NFASC: variants seen among roughly 807,000 people sequenced by gnomAD.
NFASC encodes the protein neurofascin homolog.
Under a neutral mutation model 147.5 loss-of-function variants are expected in NFASC, and 43 were observed. The ratio of observed to expected loss-of-function variants is 0.29; its 90% CI spans 0.23 to 0.38. The LOEUF (loss-of-function observed/expected upper bound fraction) is 0.38. Ranked by LOEUF, NFASC falls within the 10% of genes least tolerant of loss-of-function variation. The probability of loss-of-function intolerance (pLI) is 1.00; values close to 1 mark genes in which losing one functional copy is unlikely to be tolerated. For missense variants in NFASC, 1,320 were observed against 1,689.0 expected (o/e 0.78, Z 3.83); for synonymous variants, 622 against 665.5 (o/e 0.93, Z 1.01).
At chr1:204,955,539 T>C (rs2094387182) in intron 7 of NFASC, among the ~76,000 whole-genome samples, 1 of 152,210 alleles carries the variant, frequency 6.6e-6, no homozygotes, top group Admixed American at 6.5e-5. Context: ...ATAGGGTATC[T>C]GCAGCAGGGA....
chr1:204,939,054 G>A lies in NFASC; in HGVS notation c.-90-5172G>A, dbSNP rs563336577. Among the ~76,000 whole-genome samples, 47 of 151,022 alleles carry A rather than the reference G, an allele frequency of 3.1e-4. No homozygotes were observed. The South Asian group carries it at 7.3e-3, about 24-fold the overall frequency. On this transcript the variant is annotated intron_variant, in intron 2 of 29. Coordinates refer to ENST00000339876, the MANE Select transcript of NFASC (RefSeq NM_001005388.3). ...TATGGATGGATGTGTGTGTGTGTGT[G>A]TGTGTGTGTGTGTGTGTGTGTGTGT...
At chr1:204,843,551 G>GTC (rs1480833485) in intron 1 of NFASC, among the ~76,000 whole-genome samples, 4 of 150,946 alleles carry the variant, frequency 2.6e-5, no homozygotes, top group Non-Finnish European at 4.4e-5. Context: ...CTCCAGGTCT[G>GTC]TCTCTCTCTC....
chr1:204,989,017 C>A, intron 23 of NFASC: 1 of 593,390 alleles, frequency 1.7e-6, no homozygotes, highest in Non-Finnish European at 3.0e-6. Context: ...CCACTGTGGT[C>A]ACACCTGGGT....
chr1:204,954,879 G>T lies in NFASC; in HGVS notation c.463G>T (p.Gly155Cys). Residue 155 changes from glycine (G) to cysteine (C), a missense_variant, in exon 7 of 30, where the codon GGC (glycine) becomes TGC (cysteine). Coordinates refer to ENST00000339876, the MANE Select transcript of NFASC (RefSeq NM_001005388.3). The surrounding 1 kb of genome is among the most constrained non-coding windows in gnomAD (Gnocchi z 5.7). ...ENLDPVVVQE[G>C]APLTLQCNPP... ...CCTAGACCCTGTCGTGGTCCAAGAG[G>T]GCGCTCCTTTGACGCTCCAGTGCAA... 6.2e-7 allele frequency: 1 copy of T among 1,614,132 alleles called. No individual in the cohort carries two copies. Among genetic ancestry groups the T allele is most frequent in the Non-Finnish European group, 8.5e-7 (1 of 1,180,014 alleles).
At position 204,997,210 on chromosome 1, in the gene NFASC, C is replaced by T. The variant is rs531123483; in HGVS notation, c.2823C>T (p.Gly941=). 1.7e-4 allele frequency: 282 copies of T among 1,613,794 alleles called. 3 individuals carry two copies. The South Asian group carries it at 2.5e-3, about 14-fold the overall frequency. ...TLPPTTVGAT[G]AVSSTDATAI... is the part of the protein sequence containing the mutation. Reference sequence around the variant, plus strand: ...CCCCGACTACCGTGGGTGCGACGGGCGCTGTGAGCAGTACCGATGCTACTG... The same window carrying T: ...CCCCGACTACCGTGGGTGCGACGGGTGCTGTGAGCAGTACCGATGCTACTG... Residue 941 remains glycine, a synonymous_variant, in exon 25 of 30, where the codon GGC becomes GGT. Coordinates refer to ENST00000339876, the MANE Select transcript of NFASC (RefSeq NM_001005388.3).
intron 1 of NFASC, among the ~76,000 whole-genome samples, chr1:204,883,749 G>A (rs1308136264): frequency 6.6e-6 from 1 of 152,224 alleles, no homozygotes; most frequent in Non-Finnish European, 1.5e-5. Flanking sequence ...GGTGCCAGCA[G>A]CATGGGATTG....
At chr1:204,897,499 C>T (rs1424497230) in intron 1 of NFASC, among the ~76,000 whole-genome samples, 1 of 152,036 alleles carries the variant, frequency 6.6e-6, no homozygotes, top group East Asian at 1.9e-4. Context: ...CAAGGTCACA[C>T]AGCTAATACT....
chr1:204,907,435 A>T (rs745714438), intron 1 of NFASC, among the ~76,000 whole-genome samples: 9 of 152,220 alleles, frequency 5.9e-5, no homozygotes, highest in Non-Finnish European at 1.3e-4. Flanking sequence ...TCTCTCAAAC[A>T]GCTGTCTTAG....
At chr1:205,009,960 C>T in intron 28 of NFASC, 1 of 469,572 alleles carries the variant, frequency 2.1e-6, no homozygotes, top group Non-Finnish European at 3.9e-6. Context: ...ATGACCTTTC[C>T]TCCCCTTGAC....
intron 1 of NFASC, among the ~76,000 whole-genome samples, chr1:204,886,071 T>G (rs764291426): frequency 2.6e-5 from 4 of 152,246 alleles, no homozygotes; most frequent in Admixed American, 6.5e-5. Flanking sequence ...TAGAGGGAAT[T>G]TGATTTCTGC....
chr1:204,890,927 C>T (rs915572064), intron 1 of NFASC, among the ~76,000 whole-genome samples: 1 of 152,188 alleles, frequency 6.6e-6, no homozygotes, highest in African/African-American at 2.4e-5. Flanking sequence ...CATGCATCCC[C>T]TGATGCTCAC....
chr1:204,951,838 A>G (rs1235616843), intron 4 of NFASC, among the ~76,000 whole-genome samples, 173 bp from the exon 5 acceptor site: 1 of 152,036 alleles, frequency 6.6e-6, no homozygotes, highest in Non-Finnish European at 1.5e-5. Flanking sequence ...TTCCTGCGGC[A>G]CCATTTAAGG....
rs764109929 is a variant in NFASC, at chr1:204,974,839, C to T, written c.1558+16C>T. 88 of 1,612,966 alleles carry T rather than the reference C, an allele frequency of 5.5e-5. No individual in the cohort carries two copies. Among genetic ancestry groups the T allele is most frequent in the Non-Finnish European group, 6.2e-5 (73 of 1,179,094 alleles). On this transcript the variant is annotated intron_variant, in intron 14 of 29. Coordinates refer to ENST00000339876, the MANE Select transcript of NFASC (RefSeq NM_001005388.3). ...GAGGTCAAAGGTAAAGGAGAGGGTT[C>T]GCCAGTGGGAGTTTGGAGAGGGACA... is the stretch of plus-strand genomic sequence containing the variant.
chr1:204,994,828 G>A (rs1161149693), intron 24 of NFASC, among the ~76,000 whole-genome samples: 2 of 152,146 alleles, frequency 1.3e-5, no homozygotes, highest in Non-Finnish European at 2.9e-5. Context: ...GAAATTATTA[G>A]AAAATATACT....
intron 27 of NFASC, among the ~76,000 whole-genome samples, chr1:205,005,852 T>C (rs1219516720): frequency 6.6e-6 from 1 of 152,192 alleles, no homozygotes; most frequent in Non-Finnish European, 1.5e-5. Flanking sequence ...AGGTAACATT[T>C]GAACTTCACC....
chr1:204,857,333 A>T (rs1022575844), intron 1 of NFASC, among the ~76,000 whole-genome samples: 1 of 152,092 alleles, frequency 6.6e-6, no homozygotes, highest in African/African-American at 2.4e-5. Flanking sequence ...TGCTTCCCAT[A>T]CTTGCTCTGG....
Position 204,846,938 on chromosome 1 carries a change from TGTGTGTGTGTACGC to T in NFASC, c.-200+18167_-200+18180del, listed in dbSNP as rs1467543229. ...GTGGTGCTAATGGAAGACTGCTGCC[TGTGTGTGTGTACGC>T]GTGTGTGTGTGTGTGTGTGTGTGTG... On this transcript the variant is annotated intron_variant, in intron 1 of 29. Transcript: ENST00000339876. 2.7e-5 allele frequency among the ~76,000 whole-genome samples: 4 copies of T among 149,604 alleles called. No individual in the cohort carries two copies. In the East Asian group the frequency reaches 6.0e-4, roughly 22 times the overall value.
rs7553415 is a variant in NFASC, at chr1:205,015,282, A to G, written c.3492-1026A>G. Among the ~76,000 whole-genome samples, 4 of 152,186 alleles carry G rather than the reference A, an allele frequency of 2.6e-5. No individual in the cohort carries two copies. Among genetic ancestry groups the G allele is most frequent in the South Asian group, 2.1e-4 (1 of 4,814 alleles). ...CGCCTGGCACCGCTATGGTCCCACC[A>G]CTGAGACCCAGACTCCCACTGCTCA... On this transcript the variant is annotated intron_variant, in intron 29 of 29. Transcript: ENST00000339876. The surrounding 1 kb of genome is among the most constrained non-coding windows in gnomAD (Gnocchi z 4.0).
intron 2 of NFASC, among the ~76,000 whole-genome samples, chr1:204,922,753 C>T (rs969138858): frequency 3.9e-5 from 6 of 152,284 alleles, no homozygotes; most frequent in African/African-American, 1.2e-4. Flanking sequence ...GACTTTCAGA[C>T]ACACAGAGGA....
Sources: allele counts gnomAD v4.1 joint callset (sites outside exome capture counted in the v4.1 genomes callset), GRCh38; gene constraint gnomAD v4.1.1; non-coding constraint Gnocchi (gnomAD v3.1); transcripts MANE v1.5; gene names NCBI Gene and HGNC (gene_info 2026-07-23, HGNC 2026-07-21).